Variants in KCNH1 observed in about 807,000 individuals in gnomAD.
KCNH1 encodes the protein voltage-gated delayed rectifier potassium channel KCNH1.
In KCNH1, 27 loss-of-function variants were observed where a neutral mutation model predicts 69.2. The observed-to-expected ratio is 0.39, with a 90% confidence interval of 0.29 to 0.54. The LOEUF (loss-of-function observed/expected upper bound fraction) is 0.54, where lower values mean the gene tolerates loss of function less well. KCNH1 is among the 20% of genes least tolerant of loss of function. The pLI, the probability that KCNH1 is intolerant of heterozygous loss-of-function variation, is 0.68. For missense variants in KCNH1, 798 were observed against 1,261.6 expected (o/e 0.63, Z 5.57); for synonymous variants, 456 against 487.7 (o/e 0.93, Z 0.86).
At chr1:210,884,601 T>A (rs1208196740) in intron 7 of KCNH1, among the ~76,000 whole-genome samples, 2 of 152,218 alleles carry the variant, frequency 1.3e-5, no homozygotes, top group Non-Finnish European at 2.9e-5. Flanking sequence ...CCCCATGTAC[T>A]TTTGGTGAGA....
At position 210,994,206 on chromosome 1, in the gene KCNH1, A is replaced by T. The variant is rs781242246; in HGVS notation, c.1032+24577T>A. Among the ~76,000 whole-genome samples, 154 of 152,322 alleles carry T rather than the reference A, an allele frequency of 1.0e-3. 1 individual carries two copies. Among genetic ancestry groups the T allele is most frequent in the Non-Finnish European group, 1.8e-3 (125 of 68,012 alleles). On this transcript the variant is annotated intron_variant, in intron 6 of 10. Transcript: ENST00000271751. Reference sequence around the variant, plus strand: ...GATACCACTAATTGTTCAGCATTATAATTAAAATAAAAAGATATTTTCTGT... The same window carrying T: ...GATACCACTAATTGTTCAGCATTATTATTAAAATAAAAAGATATTTTCTGT...
chr1:211,109,480 G>A (rs1400000099), intron 1 of KCNH1, among the ~76,000 whole-genome samples: 4 of 152,198 alleles, frequency 2.6e-5, no homozygotes, highest in African/African-American at 9.7e-5. Flanking sequence ...ACTCCCAAGT[G>A]TATATGAAGC....
intron 1 of KCNH1, among the ~76,000 whole-genome samples, chr1:211,122,278 A>G (rs12568832): frequency 0.096 from 14,597 of 152,286 alleles, 955 homozygotes; most frequent in South Asian, 0.21. Context: ...ACAATGAGAC[A>G]CTATCTCATA....
intron 6 of KCNH1, among the ~76,000 whole-genome samples, chr1:211,012,180 A>G (rs1477098585): frequency 1.3e-5 from 2 of 152,256 alleles, no homozygotes; most frequent in Admixed American, 1.3e-4. Flanking sequence ...TGAGGACACT[A>G]TGGTACAACT....
rs564506892 is a variant in KCNH1 at position 210,883,703 on chromosome 1, G to T, written c.1462+35937C>A. Among the ~76,000 whole-genome samples, 5 of 152,334 alleles carry T rather than the reference G, an allele frequency of 3.3e-5. No individual in the cohort carries two copies. In the South Asian group the frequency reaches 8.3e-4, roughly 25 times the overall value. Reference sequence around the variant, plus strand: ...AGTCATGCAAAAGGCTTTGTAATGTGTAAAGAAAGAGCTATACAAATTCAC... The same window carrying T: ...AGTCATGCAAAAGGCTTTGTAATGTTTAAAGAAAGAGCTATACAAATTCAC... On this transcript the variant is annotated intron_variant, in intron 7 of 10. Coordinates refer to ENST00000271751, the MANE Select transcript of KCNH1 (RefSeq NM_172362.3).
At chr1:211,049,317 G>A (rs1225147398) in intron 5 of KCNH1, among the ~76,000 whole-genome samples, 2 of 152,216 alleles carry the variant, frequency 1.3e-5, no homozygotes, top group African/African-American at 2.4e-5. Context: ...TAAAGCGATT[G>A]TCAAGATCTC....
chr1:210,901,865 T>C (rs1439458260), intron 7 of KCNH1, among the ~76,000 whole-genome samples: 1 of 152,232 alleles, frequency 6.6e-6, no homozygotes. Flanking sequence ...ACTGAGCTTC[T>C]TGGGGTAGGG....
At chr1:210,884,275 C>G (rs2102512896) in intron 7 of KCNH1, among the ~76,000 whole-genome samples, 1 of 152,330 alleles carries the variant, frequency 6.6e-6, no homozygotes, top group South Asian at 2.1e-4. Context: ...GTGGTATCTA[C>G]ATCAAAGCAA....
chr1:211,062,512 A>G (rs573032937), intron 5 of KCNH1, among the ~76,000 whole-genome samples: 1 of 152,254 alleles, frequency 6.6e-6, no homozygotes, highest in East Asian at 1.9e-4. Context: ...GAAACAATCA[A>G]CAAAGAAACA....
intron 10 of KCNH1, among the ~76,000 whole-genome samples, chr1:210,746,608 C>A (rs1683167809): frequency 6.6e-6 from 1 of 151,822 alleles, no homozygotes; most frequent in Non-Finnish European, 1.5e-5. Context: ...GTCACAGTGG[C>A]ATGATCTCAG....
chr1:211,114,649 C>A (rs1435053914), intron 1 of KCNH1, among the ~76,000 whole-genome samples: 1 of 152,136 alleles, frequency 6.6e-6, no homozygotes, highest in Non-Finnish European at 1.5e-5. Context: ...GCCATATTCC[C>A]CATGGTTGAG....
At chr1:210,915,539 G>A (rs748132157) in intron 7 of KCNH1, among the ~76,000 whole-genome samples, 8 of 151,678 alleles carry the variant, frequency 5.3e-5, no homozygotes, top group Non-Finnish European at 1.2e-4. Flanking sequence ...GATCTACACA[G>A]GGAAGGCAGG....
intron 10 of KCNH1, among the ~76,000 whole-genome samples, chr1:210,754,064 G>A (rs550756713): frequency 4.7e-4 from 72 of 152,018 alleles, no homozygotes; most frequent in African/African-American, 1.4e-3. Context: ...ACAGGCGCCC[G>A]CCACTGCGCC....
chr1:210,939,020 T>C (rs1451194817), intron 6 of KCNH1, among the ~76,000 whole-genome samples: 2 of 152,118 alleles, frequency 1.3e-5, no homozygotes, highest in Non-Finnish European at 2.9e-5. Context: ...GAACTGCTGT[T>C]CTAAGACTCA....
intron 10 of KCNH1, among the ~76,000 whole-genome samples, chr1:210,717,122 G>A (rs546003386): frequency 6.6e-6 from 1 of 152,256 alleles, no homozygotes; most frequent in South Asian, 2.1e-4. Flanking sequence ...TCTGGGGTCA[G>A]GTGAGATACC....
intron 10 of KCNH1, among the ~76,000 whole-genome samples, chr1:210,705,540 C>G (rs183889587): frequency 6.6e-6 from 1 of 152,142 alleles, no homozygotes; most frequent in East Asian, 1.9e-4. Context: ...CGACCCTGGC[C>G]CAGAGGTAGA....
At chr1:210,887,983 G>C (rs1309077470) in intron 7 of KCNH1, among the ~76,000 whole-genome samples, 1 of 152,046 alleles carries the variant, frequency 6.6e-6, no homozygotes, top group Non-Finnish European at 1.5e-5. Flanking sequence ...ACACCCCATT[G>C]TCAATATTAG....
chr1:210,770,457 T>G (rs1052921225), intron 10 of KCNH1, among the ~76,000 whole-genome samples: 2 of 152,240 alleles, frequency 1.3e-5, no homozygotes, highest in East Asian at 3.8e-4. Flanking sequence ...AATGGTTAAG[T>G]AATTTGCCCA....
chr1:210,844,113 C>G (rs1404447963), intron 7 of KCNH1, among the ~76,000 whole-genome samples: 1 of 152,110 alleles, frequency 6.6e-6, no homozygotes, highest in African/African-American at 2.4e-5. Context: ...TTTGGTTTAG[C>G]TGAATTTTTG....
Sources: gnomAD v4.1 joint callset for allele counts (sites outside exome capture counted in the v4.1 genomes callset) on GRCh38, gnomAD v4.1.1 for gene constraint, MANE v1.5 for transcripts, NCBI Gene and HGNC (gene_info 2026-07-23, HGNC 2026-07-21) for gene names.